The following UGT1A5 variants were observed in gnomAD, a reference collection of about 807,000 sequenced individuals.
The protein encoded by UGT1A5 is UDP glucuronosyltransferase family 1 member A5.
In UGT1A5, 29 loss-of-function variants were observed where a neutral mutation model predicts 40.3. The observed-to-expected ratio is 0.72, with a 90% CI of 0.54 to 0.98. UGT1A5 has a LOEUF of 0.98. Among genes scored for constraint, UGT1A5 ranks in the 50% least tolerant of loss-of-function variants. UGT1A5 has a pLI of 0.00. For synonymous variants in UGT1A5, 257 were observed against 262.5 expected (o/e 0.98, Z 0.20); for missense variants, 678 against 677.9 (o/e 1.00, Z 0.00).
At chr2:233,740,942 A>G (rs1313081158) in intron 1 of UGT1A5, 4 of 151,462 alleles carry the variant, frequency 2.6e-5, no homozygotes, top group African/African-American at 4.9e-5. Context: ...TTTTTTAATT[A>G]GCTAGGTGTG....
In UGT1A5 at chr2:233,748,516, C is replaced by T. The variant is rs60390282; in HGVS notation, c.868-18518C>T. On this transcript the variant is annotated intron_variant, in intron 1 of 4. Transcript: ENST00000373414. ...GATAATTTTTAGTGGTCCTGTCTTGCGAATGATAGAGAGGTGACCACAGGA... is the reference window on the plus strand; with the variant it reads ...GATAATTTTTAGTGGTCCTGTCTTGTGAATGATAGAGAGGTGACCACAGGA... Among the ~76,000 whole-genome samples, 169 of 151,786 alleles carry T rather than the reference C, an allele frequency of 1.1e-3. 1 individual carries two copies. Among genetic ancestry groups the T allele is most frequent in the African/African-American group, 4.1e-3 (168 of 41,150 alleles).
intron 1 of UGT1A5, among the ~76,000 whole-genome samples, chr2:233,749,940 G>A (rs145039541): frequency 4.6e-5 from 7 of 151,802 alleles, no homozygotes; most frequent in Non-Finnish European, 7.3e-5. Context: ...TTTCCTTTAT[G>A]AATTACCGAG....
At chr2:233,768,072 G>T in intron 3 of UGT1A5, 136 bp downstream of exon 3, 2 of 1,594,474 alleles carry the variant, frequency 1.3e-6, no homozygotes, top group South Asian at 2.2e-5. Context: ...TTATCTAGTG[G>T]GGTATCTCAA....
In UGT1A5 at chr2:233,719,091, C is replaced by T. The variant is rs183802414; in HGVS notation, c.867+5233C>T. On this transcript the variant is annotated intron_variant, in intron 1 of 4. Coordinates refer to ENST00000373414, the MANE Select transcript of UGT1A5 (RefSeq NM_019078.2). ...TCCATGGACCCAGAAGGAATTTGATCGCGTTACGCTGGGCTACACTCAAGG... is the reference window on the plus strand; with the variant it reads ...TCCATGGACCCAGAAGGAATTTGATTGCGTTACGCTGGGCTACACTCAAGG... The T allele has an allele frequency of 3.7e-5, 60 of 1,614,254 alleles. No individual in the cohort carries two copies. The East Asian group carries it at 8.2e-4, about 22-fold the overall frequency.
At chr2:233,729,677 G>A (rs2077906321) in intron 1 of UGT1A5, 6 of 1,613,888 alleles carry the variant, frequency 3.7e-6, no homozygotes, top group Middle Eastern at 1.7e-4. Context: ...GACTTTAAGG[G>A]CACACAGTGT....
rs1022638248 is a variant in UGT1A5, at chr2:233,725,056, G to A, written c.867+11198G>A. On this transcript the variant is annotated intron_variant, in intron 1 of 4. Coordinates refer to ENST00000373414, the MANE Select transcript of UGT1A5 (RefSeq NM_019078.2). ...ACCAAAACCAGTCAGGCGTGGCGGC[G>A]CGCGCCTGCAATCGCAGGCACTCGG... Among the ~76,000 whole-genome samples the A allele has an allele frequency of 2.3e-4, 34 of 147,566 alleles. 1 individual carries two copies. Among genetic ancestry groups the A allele is most frequent in the African/African-American group, 3.0e-4 (12 of 39,600 alleles).
At chr2:233,767,621 CT>C (rs1156408939) in intron 2 of UGT1A5, among the ~76,000 whole-genome samples, 1 of 152,158 alleles carries the variant, frequency 6.6e-6, no homozygotes, top group Non-Finnish European at 1.5e-5. Context: ...AAGTGCACAG[CT>C]TGATAAATTA....
intron 1 of UGT1A5, among the ~76,000 whole-genome samples, chr2:233,751,154 C>A (rs1181996969): frequency 6.6e-6 from 1 of 151,950 alleles, no homozygotes; most frequent in Non-Finnish European, 1.5e-5. Flanking sequence ...CCACTTCTGG[C>A]ATCAGCATGA....
chr2:233,755,487 G>GT (rs1198715478), intron 1 of UGT1A5: 2 of 206,234 alleles, frequency 9.7e-6, no homozygotes. Flanking sequence ...GTGAGGCCCT[G>GT]TGATGCTCCA....
At position 233,724,363 on chromosome 2, in the gene UGT1A5, CG is replaced by C. The variant is rs1443552589; in HGVS notation, c.867+10509del. On this transcript the variant is annotated intron_variant, in intron 1 of 4. Transcript: ENST00000373414. Reference sequence around the variant, plus strand: ...TGACCCCCCCCACCTCCCTCCCGGACGGGGTGGCTGCCGGGCGGAGACGCTC... The same window carrying C: ...TGACCCCCCCCACCTCCCTCCCGGACGGGTGGCTGCCGGGCGGAGACGCTC... Among the ~76,000 whole-genome samples the C allele has an allele frequency of 1.2e-4, 16 of 136,858 alleles. 1 individual carries two copies. The highest frequency in any genetic ancestry group is 2.1e-4 in the Non-Finnish European group (13 of 62,642). 89.8% of individuals were successfully genotyped at this position (136,858 alleles called of 152,430 possible). A position where few individuals can be genotyped will look rare whatever the true frequency, so the allele number is the denominator to read the frequency against.
At chr2:233,758,762 G>A (rs1375846813) in intron 1 of UGT1A5, among the ~76,000 whole-genome samples, 1 of 152,150 alleles carries the variant, frequency 6.6e-6, no homozygotes, top group Non-Finnish European at 1.5e-5. Flanking sequence ...TGATGTGTAT[G>A]GTTCAAATGT....
At chr2:233,755,424 C>G (rs976220166) in intron 1 of UGT1A5, 2 of 319,210 alleles carry the variant, frequency 6.3e-6, no homozygotes, top group Non-Finnish European at 1.2e-5. Flanking sequence ...GTGAGCGCCT[C>G]GCATCCCAAG....
chr2:233,764,590 G>A (rs1263378964), intron 1 of UGT1A5, among the ~76,000 whole-genome samples: 1 of 152,150 alleles, frequency 6.6e-6, no homozygotes, highest in Non-Finnish European at 1.5e-5. Context: ...GCCTTTTCCA[G>A]ATGAGCTTCA....
chr2:233,761,029 T>C (rs769198771), intron 1 of UGT1A5: 2 of 1,614,178 alleles, frequency 1.2e-6, no homozygotes, highest in East Asian at 2.2e-5. Context: ...CCAGGACCTA[T>C]TGAGCTCTGC....
chr2:233,752,556 A>C (rs1374384067), intron 1 of UGT1A5: 1 of 152,204 alleles, frequency 6.6e-6, no homozygotes, highest in Non-Finnish European at 1.5e-5. Context: ...TTGCTGGGAC[A>C]ACATAGTGGG....
intron 2 of UGT1A5, 140 bp downstream of exon 2, chr2:233,767,305 GTTTT>G: frequency 4.6e-6 from 7 of 1,519,176 alleles, no homozygotes; most frequent in Non-Finnish European, 4.4e-6. Context: ...TAATCCAAAG[GTTTT>G]TTTTGTTGTT....
Position 233,772,465 on chromosome 2 carries a change from C to T in UGT1A5, c.1511C>T (p.Ala504Val), listed in dbSNP as rs1575871358. ...GFLLAVVLTV[A>V]FITFKCCAYG... ...CTCTTGGCCGTCGTGCTGACAGTGG[C>T]CTTCATCACCTTTAAATGTTGTGCT... Residue 504 changes from alanine to valine, a missense_variant, in exon 5 of 5, where the codon GCC (alanine) becomes GTC (valine). Transcript: ENST00000373414. 1 of 1,614,018 alleles carries T rather than the reference C, an allele frequency of 6.2e-7. No individual in the cohort carries two copies. Among genetic ancestry groups the T allele is most frequent in the African/African-American group, 1.3e-5 (1 of 74,896 alleles).
At chr2:233,720,348 T>C (rs1265455375) in intron 1 of UGT1A5, among the ~76,000 whole-genome samples, 1 of 152,042 alleles carries the variant, frequency 6.6e-6, no homozygotes, top group African/African-American at 2.4e-5. Flanking sequence ...GGTATGGTGA[T>C]GGTTGCATGT....
chr2:233,740,756 T>G (rs1289445141), intron 1 of UGT1A5: 2 of 151,784 alleles, frequency 1.3e-5, no homozygotes, highest in Non-Finnish European at 1.5e-5. Flanking sequence ...TCTGAAAACC[T>G]TATCAAACCG....
Sources: gnomAD v4.1 joint callset for allele counts (sites outside exome capture counted in the v4.1 genomes callset) on GRCh38, gnomAD v4.1.1 for gene constraint, MANE v1.5 for transcripts, NCBI Gene and HGNC (gene_info 2026-07-23, HGNC 2026-07-21) for gene names.